DNAH12: variants seen among roughly 807,000 people sequenced by gnomAD.
DNAH12 encodes axonemal beta dynein heavy chain 12.
DNAH12 carries 285 observed loss-of-function variants against 371.5 expected under a neutral mutation model. That is an observed-to-expected ratio of 0.77 (90% CI 0.70 to 0.85). The LOEUF is 0.85. DNAH12 is among the 40% of genes least tolerant of loss of function. The pLI, the probability that DNAH12 is intolerant of heterozygous loss-of-function variation, is 0.00. For missense variants in DNAH12, 3,611 were observed against 3,689.4 expected, an observed-to-expected ratio of 0.98 and a Z score of 0.55; for synonymous variants, 1,200 against 1,213.0, an observed-to-expected ratio of 0.99 and a Z score of 0.22.
At chr3:57,427,026 CATTT>C (rs2064792617) in intron 34 of DNAH12, among the ~76,000 whole-genome samples, 1 of 151,772 alleles carries the variant, frequency 6.6e-6, no homozygotes, top group Non-Finnish European at 1.5e-5. Flanking sequence ...TGGAATTGCT[CATTT>C]TTTTCTTTTA....
chr3:57,309,980 T>A, intron 67 of DNAH12, 126 bp from the exon 68 acceptor site: 1 of 721,686 alleles, frequency 1.4e-6, no homozygotes. Context: ...CAATTAATAA[T>A]TAACAGATAC....
intron 60 of DNAH12, among the ~76,000 whole-genome samples, chr3:57,341,939 T>C (rs1176031898): frequency 2.6e-5 from 4 of 152,078 alleles, no homozygotes; most frequent in African/African-American, 9.7e-5. Context: ...TGGAACAGAA[T>C]AGAGAACCCA....
intron 12 of DNAH12, among the ~76,000 whole-genome samples, chr3:57,486,927 C>G (rs1023927317): frequency 6.7e-6 from 1 of 149,114 alleles, no homozygotes; most frequent in African/African-American, 2.6e-5. Flanking sequence ...CCAGAGAAGG[C>G]CTTTCTAGGG....
At chr3:57,453,899 A>C (rs1403574459) in intron 23 of DNAH12, among the ~76,000 whole-genome samples, 1 of 152,120 alleles carries the variant, frequency 6.6e-6, no homozygotes, top group African/African-American at 2.4e-5. Flanking sequence ...ATTTGAGGAC[A>C]TGATTTCAAG....
chr3:57,527,569 C>T lies in DNAH12; in HGVS notation c.171-3685G>A, dbSNP rs184261623. On this transcript the variant is annotated intron_variant, in intron 2 of 73. Transcript: ENST00000495027. ...CAGGGGTGGGAGGCACACTTTGAAG[C>T]AACCAGATCTCACGAGAACTCACTA... is the stretch of plus-strand genomic sequence containing the variant. Among the ~76,000 whole-genome samples the T allele has an allele frequency of 3.1e-3, 479 of 152,222 alleles. 3 individuals carry two copies. Among genetic ancestry groups the T allele is most frequent in the Middle Eastern group, 6.8e-3 (2 of 294 alleles).
intron 42 of DNAH12, among the ~76,000 whole-genome samples, chr3:57,404,440 G>A (rs782137959): frequency 4.6e-5 from 7 of 152,332 alleles, no homozygotes; most frequent in Non-Finnish European, 1.0e-4. Context: ...TTTCGGCCAG[G>A]TGTGGTGGCT....
chr3:57,457,204 A>G (rs1367538999), intron 22 of DNAH12, among the ~76,000 whole-genome samples: 1 of 152,182 alleles, frequency 6.6e-6, no homozygotes, highest in Non-Finnish European at 1.5e-5. Context: ...AAATATTTAG[A>G]TGGTGTTCCA....
chr3:57,375,267 T>C (rs1356705769), intron 55 of DNAH12, 104 bp downstream of exon 55: 2 of 152,000 alleles, frequency 1.3e-5, no homozygotes, highest in African/African-American at 4.8e-5. Flanking sequence ...ATCTAGGAGG[T>C]GGTAGTTATA....
intron 60 of DNAH12, among the ~76,000 whole-genome samples, chr3:57,348,623 C>T (rs532529192): frequency 6.6e-6 from 1 of 151,862 alleles, no homozygotes; most frequent in African/African-American, 2.4e-5. Flanking sequence ...AGTTTTGCTG[C>T]GAATCTGAAA....
chr3:57,521,769 C>G (rs1217793863), intron 4 of DNAH12, among the ~76,000 whole-genome samples: 1 of 151,848 alleles, frequency 6.6e-6, no homozygotes, highest in Non-Finnish European at 1.5e-5. Flanking sequence ...CGCCTGTAAT[C>G]TTAGCTACTC....
rs1356355097 is a variant in DNAH12, at chr3:57,415,215, A to C, written c.5853+211T>G. 3.3e-5 allele frequency among the ~76,000 whole-genome samples: 5 copies of C among 152,246 alleles called. No individual in the cohort carries two copies. The East Asian group carries it at 9.6e-4, about 29-fold the overall frequency. ...TGCTTCTTCTCAGGCTTAAAAAAAA[A>C]ACAGGTGATAAAGCTCAGTAACCCA... On this transcript the variant is annotated intron_variant, in intron 38 of 73. Coordinates refer to ENST00000495027, the MANE Select transcript of DNAH12 (RefSeq NM_001366028.2).
At chr3:57,301,265 CAAAAAAAAAAAAAAAAAAAA>C (rs71088054) in intron 70 of DNAH12, among the ~76,000 whole-genome samples, 432 of 43,056 alleles carry the variant, frequency 0.01, 6 homozygotes, top group African/African-American at 0.018. Context: ...GACCCTGTCT[CAAAAAAAAAAAAAAAAAAAA>C]AAAAAAAAAA....
chr3:57,493,134 C>T (rs779983172), intron 11 of DNAH12, among the ~76,000 whole-genome samples: 1 of 152,174 alleles, frequency 6.6e-6, no homozygotes, highest in Non-Finnish European at 1.5e-5. Context: ...ATTCATAGAA[C>T]ATTTATTGTG....
chr3:57,437,286 T>C (rs2065158630), intron 29 of DNAH12, among the ~76,000 whole-genome samples: 1 of 152,200 alleles, frequency 6.6e-6, no homozygotes, highest in Non-Finnish European at 1.5e-5. Flanking sequence ...CATAGCATGA[T>C]AGTACTGGGT....
At chr3:57,509,588 G>A (rs1049619924) in intron 5 of DNAH12, among the ~76,000 whole-genome samples, 7 of 152,058 alleles carry the variant, frequency 4.6e-5, no homozygotes, top group African/African-American at 1.2e-4. Context: ...GAGGCCGAGC[G>A]CGGTGGCTCA....
In DNAH12 at chr3:57,452,869, G is replaced by C; in HGVS notation, c.3760C>G (p.Leu1254Val). ...AATGTTCTGTAACACCTGTCAGTTA[G>C]AGGCGTAATGACAAGTCGAGGTGAG... ...GNSPRLVITP[L>V]TDRCYRTLIG... The change falls in exon 25 of 74, where the codon CTA (leucine) becomes GTA (valine). Residue 1254 changes from leucine (L) to valine (V), a missense_variant. Transcript: ENST00000495027. 2 of 1,549,504 alleles carry C rather than the reference G, an allele frequency of 1.3e-6. No individual in the cohort carries two copies. The highest frequency in any genetic ancestry group is 8.7e-7 in the Non-Finnish European group (1 of 1,146,496).
intron 29 of DNAH12, among the ~76,000 whole-genome samples, chr3:57,442,282 C>CT (rs11335744): frequency 0.013 from 2,003 of 149,250 alleles, 33 homozygotes; most frequent in African/African-American, 0.046. Context: ...GCGTAAGAGG[C>CT]TTTTTTTTTT....
chr3:57,451,629 A>C (rs2065757737), intron 25 of DNAH12, among the ~76,000 whole-genome samples: 1 of 152,184 alleles, frequency 6.6e-6, no homozygotes, highest in Non-Finnish European at 1.5e-5. Context: ...GCAGAGCGAG[A>C]TTCTGTCTCA....
intron 25 of DNAH12, among the ~76,000 whole-genome samples, chr3:57,450,040 G>T (rs1474249146): frequency 6.6e-6 from 1 of 152,210 alleles, no homozygotes; most frequent in Non-Finnish European, 1.5e-5. Context: ...TTGAGGTCAG[G>T]AGTTCAAGAC....
Sources: allele counts gnomAD v4.1 joint callset (sites outside exome capture counted in the v4.1 genomes callset), GRCh38; gene constraint gnomAD v4.1.1; transcripts MANE v1.5; gene names NCBI Gene and HGNC (gene_info 2026-07-23, HGNC 2026-07-21).